The following RICTOR variants were observed in gnomAD, a reference collection of about 807,000 sequenced individuals.
RICTOR encodes rapamycin-insensitive companion of mTOR.
In RICTOR, 49 loss-of-function variants were observed where a neutral mutation model predicts 214.9. The ratio of observed to expected loss-of-function variants is 0.23; its 90% CI spans 0.18 to 0.29. The LOEUF is 0.29. Ranked by LOEUF, RICTOR falls within the 10% of genes least tolerant of loss-of-function variation. The pLI is 1.00. For synonymous variants in RICTOR, 717 were observed against 711.3 expected, an observed-to-expected ratio of 1.01 and a Z score of -0.13; for missense variants, 1,625 against 2,047.0, an observed-to-expected ratio of 0.79 and a Z score of 3.98.
chr5:39,051,667 C>T (rs904112514), intron 2 of RICTOR, among the ~76,000 whole-genome samples: 2 of 151,972 alleles, frequency 1.3e-5, no homozygotes, highest in Non-Finnish European at 2.9e-5. Context: ...GCAGGAGAAT[C>T]GCTTGAACCC....
rs762778946 is a variant in RICTOR at position 38,978,621 on chromosome 5, G to A, written c.783C>T (p.His261=). 1 of 1,564,044 alleles carries A rather than the reference G, an allele frequency of 6.4e-7. No individual in the cohort carries two copies. Residue 261 remains histidine (H), a synonymous_variant, in exon 9 of 38, where the codon CAC becomes CAT. Coordinates refer to ENST00000357387, the MANE Select transcript of RICTOR (RefSeq NM_152756.5). The part of the protein sequence containing the change: ...ERILAPYTDF[H]YRHSPDTAEG... ...CAGCTGTATCTGGACTATGTCTGTA[G>A]TGAAAATCAGTATAGGGTGCTAAAA...
At chr5:38,974,474 A>G (rs1361955815) in intron 10 of RICTOR, among the ~76,000 whole-genome samples, 1 of 152,232 alleles carries the variant, frequency 6.6e-6, no homozygotes, top group Non-Finnish European at 1.5e-5. Context: ...CGTAGGAAGA[A>G]TAAGGAGATA....
intron 2 of RICTOR, among the ~76,000 whole-genome samples, chr5:39,066,747 T>C (rs76378811): frequency 6.6e-6 from 1 of 152,214 alleles, no homozygotes. Context: ...CCAGAGGTCA[T>C]CACTCTCAAG....
intron 7 of RICTOR, among the ~76,000 whole-genome samples, chr5:38,985,270 C>T (rs1484320046): frequency 4.6e-5 from 7 of 152,114 alleles, no homozygotes. Context: ...TATGCACATC[C>T]TCTCATATGC....
intron 2 of RICTOR, among the ~76,000 whole-genome samples, chr5:39,068,926 A>G (rs544409965): frequency 1.1e-4 from 16 of 152,360 alleles, no homozygotes; most frequent in African/African-American, 3.8e-4. Flanking sequence ...GTCACTCACT[A>G]AGCCCTGTGA....
At chr5:39,067,705 A>G (rs1453782450) in intron 2 of RICTOR, among the ~76,000 whole-genome samples, 2 of 152,188 alleles carry the variant, frequency 1.3e-5, no homozygotes, top group South Asian at 4.1e-4. Context: ...CACCTTTTAC[A>G]CATTTATATA....
Position 38,962,938 on chromosome 5 carries a change from T to C in RICTOR, c.1504A>G (p.Ile502Val). ...LHLDHIIQKA[I>V]ATHQKRDQYL... Reference sequence around the variant, plus strand: ...TGATCCCGTTTCTGGTGTGTTGCAATTGCTTTCTGAATAATGTGGTCTAAA... The same window carrying C: ...TGATCCCGTTTCTGGTGTGTTGCAACTGCTTTCTGAATAATGTGGTCTAAA... Residue 502 changes from isoleucine to valine, a missense_variant, in exon 17 of 38, where the codon ATT (isoleucine) becomes GTT (valine). Around this residue, in one of 5 missense-constraint regions of RICTOR, gnomAD observed 1,214 missense variants for 1,470.5 expected, o/e 0.83. Transcript: ENST00000357387. The C allele has an allele frequency of 1.2e-6, 2 of 1,612,992 alleles. No homozygotes were observed. Among genetic ancestry groups the C allele is most frequent in the Non-Finnish European group, 1.7e-6 (2 of 1,179,082 alleles).
intron 3 of RICTOR, among the ~76,000 whole-genome samples, chr5:39,008,647 C>CTA (rs891600074): frequency 3.3e-5 from 5 of 151,862 alleles, no homozygotes; most frequent in South Asian, 2.1e-4. Context: ...TGCACCCTGG[C>CTA]TATATATATA....
At chr5:39,033,993 C>T (rs946955185) in intron 2 of RICTOR, among the ~76,000 whole-genome samples, 1 of 152,144 alleles carries the variant, frequency 6.6e-6, no homozygotes, top group African/African-American at 2.4e-5. Flanking sequence ...ACAAAAACAT[C>T]TGCCTTTCTT....
At chr5:39,025,285 C>T (rs1052313707) in intron 2 of RICTOR, among the ~76,000 whole-genome samples, 2 of 152,180 alleles carry the variant, frequency 1.3e-5, no homozygotes, top group African/African-American at 4.8e-5. Context: ...TGGTACAATG[C>T]TGCTGAGGAA....
At chr5:38,973,142 T>C (rs575394498) in intron 10 of RICTOR, among the ~76,000 whole-genome samples, 1 of 152,260 alleles carries the variant, frequency 6.6e-6, no homozygotes, top group East Asian at 1.9e-4. Context: ...AAGAGAACTT[T>C]CTGGGGCAAT....
chr5:39,017,554 A>AAAC lies in RICTOR; in HGVS notation c.195+3482_195+3484dup, dbSNP rs538537688. Among the ~76,000 whole-genome samples, 147 of 152,188 alleles carry AAAC rather than the reference A, an allele frequency of 9.7e-4. 2 individuals are homozygous for AAAC. The East Asian group carries it at 0.024, about 25-fold the overall frequency. On this transcript the variant is annotated intron_variant, in intron 3 of 37. Transcript: ENST00000357387. ...TTTAAAAGCTGTTTTTTAAAAAAAA[A>AAAC]AACTTTCTCATCCCTCATATAAAAT...
At chr5:38,962,386 T>A in intron 18 of RICTOR, 25 bp from the exon 19 acceptor site, 5 of 1,201,564 alleles carry the variant, frequency 4.2e-6, no homozygotes, top group Non-Finnish European at 6.0e-6. Flanking sequence ...TATGTTATAT[T>A]ACATATGTAC....
At chr5:39,055,858 G>A (rs1466575639) in intron 2 of RICTOR, among the ~76,000 whole-genome samples, 1 of 152,114 alleles carries the variant, frequency 6.6e-6, no homozygotes, top group Non-Finnish European at 1.5e-5. Flanking sequence ...GATAATAAGG[G>A]CCTGAATAAA....
At chr5:39,073,986 T>G in intron 2 of RICTOR, 125 bp downstream of exon 2, 2 of 492,188 alleles carry the variant, frequency 4.1e-6, no homozygotes, top group Non-Finnish European at 5.7e-6. Context: ...CAGGCGGGGC[T>G]CCGGCTCTGG....
intron 7 of RICTOR, among the ~76,000 whole-genome samples, chr5:38,985,699 ATT>A (rs879607378): frequency 2.9e-5 from 4 of 139,362 alleles, no homozygotes; most frequent in Admixed American, 7.2e-5. Flanking sequence ...CTACAATTCT[ATT>A]TTTTTTTTTT....
At chr5:39,002,883 C>T (rs1339488305) in intron 4 of RICTOR, among the ~76,000 whole-genome samples, 1 of 152,034 alleles carries the variant, frequency 6.6e-6, no homozygotes, top group Non-Finnish European at 1.5e-5. Context: ...TACATTCTTA[C>T]CAATCAAGAA....
At chr5:38,997,214 TCAGA>T (rs1753246924) in intron 5 of RICTOR, among the ~76,000 whole-genome samples, 1 of 152,142 alleles carries the variant, frequency 6.6e-6, no homozygotes, top group Non-Finnish European at 1.5e-5. Context: ...CTGATAAAAT[TCAGA>T]CATTTTATAA....
At chr5:38,987,170 T>C (rs1297844878) in intron 7 of RICTOR, among the ~76,000 whole-genome samples, 1 of 152,226 alleles carries the variant, frequency 6.6e-6, no homozygotes, top group South Asian at 2.1e-4. Flanking sequence ...ATCAGGGATA[T>C]TAGCCTGAAA....
Sources: allele counts gnomAD v4.1 joint callset (sites outside exome capture counted in the v4.1 genomes callset), GRCh38; gene constraint gnomAD v4.1.1; regional missense constraint gnomAD v4.1.1; transcripts MANE v1.5; gene names NCBI Gene and HGNC (gene_info 2026-07-23, HGNC 2026-07-21).